Variants in HTRA1 observed in about 807,000 individuals in gnomAD.
The protein encoded by HTRA1 is serine protease HTRA1.
HTRA1 carries 26 observed loss-of-function variants against 49.7 expected under a neutral mutation model. The observed-to-expected ratio is 0.52, with a 90% confidence interval of 0.38 to 0.73. The LOEUF (loss-of-function observed/expected upper bound fraction) is 0.73. HTRA1 is among the 30% of genes least tolerant of loss of function. The probability of loss-of-function intolerance (pLI) is 0.00; values close to 1 mark genes in which losing one functional copy is unlikely to be tolerated. For missense variants in HTRA1, 561 were observed against 667.2 expected (o/e 0.84, Z 1.75); for synonymous variants, 291 against 286.9 (o/e 1.01, Z -0.14).
intron 3 of HTRA1, among the ~76,000 whole-genome samples, chr10:122,501,234 C>T (rs956475685): frequency 9.9e-5 from 15 of 152,172 alleles, no homozygotes; most frequent in Non-Finnish European, 1.8e-4. Context: ...GGACACGCGC[C>T]GTGGGAGTGA....
intron 1 of HTRA1, among the ~76,000 whole-genome samples, chr10:122,485,522 A>T (rs528242937): frequency 3.9e-5 from 6 of 152,198 alleles, no homozygotes; most frequent in Admixed American, 1.3e-4. Context: ...TTCCAGAGGC[A>T]TTTGGTCCAT....
chr10:122,484,216 A>T (rs960563713), intron 1 of HTRA1, among the ~76,000 whole-genome samples: 1 of 152,194 alleles, frequency 6.6e-6, no homozygotes, highest in Non-Finnish European at 1.5e-5. Flanking sequence ...GGGAGGAGGC[A>T]TGGTCCTTAC....
chr10:122,497,785 T>G (rs1049640990), intron 3 of HTRA1, among the ~76,000 whole-genome samples: 4 of 152,248 alleles, frequency 2.6e-5, no homozygotes, highest in Non-Finnish European at 4.4e-5. Flanking sequence ...TATTCATTGA[T>G]TTTGTAAATA....
At chr10:122,512,928 C>T (rs1301785591) in intron 8 of HTRA1, among the ~76,000 whole-genome samples, 1 of 152,076 alleles carries the variant, frequency 6.6e-6, no homozygotes, top group Non-Finnish European at 1.5e-5. Flanking sequence ...GCTTAGTTCC[C>T]ACTTATGAGA....
rs555731558 is a variant in HTRA1 at position 122,500,060 on chromosome 10, G to GT, written c.778-6622dup. Reference sequence around the variant, plus strand: ...TTTTTCTTTGGTTTTGATGTTATTGGTTTTTTTTTATTTTTCTTTTCTCCA... The same window carrying GT: ...TTTTTCTTTGGTTTTGATGTTATTGGTTTTTTTTTTATTTTTCTTTTCTCCA... On this transcript the variant is annotated intron_variant, in intron 3 of 8. Transcript: ENST00000368984. Among the ~76,000 whole-genome samples, 636 of 151,912 alleles carry GT rather than the reference G, an allele frequency of 4.2e-3. 5 individuals are homozygous for GT. Among genetic ancestry groups the GT allele is most frequent in the African/African-American group, 0.014 (600 of 41,416 alleles).
At chr10:122,489,206 T>C (rs1375679815) in intron 2 of HTRA1, among the ~76,000 whole-genome samples, 1 of 152,230 alleles carries the variant, frequency 6.6e-6, no homozygotes, top group African/African-American at 2.4e-5. Flanking sequence ...TTAAAGAACC[T>C]CGGGCTCTGA....
chr10:122,474,908 G>A (rs2097487746), intron 1 of HTRA1, among the ~76,000 whole-genome samples: 1 of 152,094 alleles, frequency 6.6e-6, no homozygotes, highest in Admixed American at 6.5e-5. Context: ...TTGCCAGTGA[G>A]TCTGAAAAGT....
chr10:122,461,670 C>A lies in HTRA1; in HGVS notation c.18C>A (p.Ala6=). The change falls in exon 1 of 9, where the codon GCC becomes GCA. Residue 6 remains alanine, a synonymous_variant. Coordinates refer to ENST00000368984, the MANE Select transcript of HTRA1 (RefSeq NM_002775.5). MQIPR[A]ALLPLLLLLL... ...GAGTCGCCATGCAGATCCCGCGCGC[C>A]GCTCTTCTCCCGCTGCTGCTGCTGC... The A allele has an allele frequency of 7.6e-7, 1 of 1,313,970 alleles. No individual in the cohort carries two copies. The highest frequency in any genetic ancestry group is 9.8e-7 in the Non-Finnish European group (1 of 1,016,408). 81.4% of individuals were successfully genotyped at this position (1,313,970 alleles called of 1,614,324 possible).
intron 3 of HTRA1, among the ~76,000 whole-genome samples, chr10:122,504,209 C>G (rs1196995166): frequency 6.6e-6 from 1 of 152,216 alleles, no homozygotes; most frequent in East Asian, 1.9e-4. Context: ...CACAGCTTCT[C>G]CAAAAGTGTT....
chr10:122,505,085 G>A (rs970159039), intron 3 of HTRA1, among the ~76,000 whole-genome samples: 1 of 152,236 alleles, frequency 6.6e-6, no homozygotes, highest in Non-Finnish European at 1.5e-5. Flanking sequence ...GGTATTCAAA[G>A]AGCTGTTCAG....
chr10:122,502,566 C>T (rs1478217348), intron 3 of HTRA1, among the ~76,000 whole-genome samples: 1 of 152,226 alleles, frequency 6.6e-6, no homozygotes, highest in Non-Finnish European at 1.5e-5. Flanking sequence ...TAAAGTCCCT[C>T]TGTTGAGAGA....
At chr10:122,498,902 C>T (rs76728606) in intron 3 of HTRA1, among the ~76,000 whole-genome samples, 4,360 of 152,360 alleles carry the variant, frequency 0.029, 114 homozygotes, top group East Asian at 0.14. Flanking sequence ...CCCTGGTCCC[C>T]TGAGAACTCC....
intron 3 of HTRA1, among the ~76,000 whole-genome samples, chr10:122,496,228 C>CTTTTTTTTTTT (rs71026021): frequency 1.5e-4 from 11 of 75,638 alleles, no homozygotes; most frequent in African/African-American, 5.9e-4. Context: ...ATTGTGGGTT[C>CTTTTTTTTTTT]TTTTTTTTTT....
intron 3 of HTRA1, among the ~76,000 whole-genome samples, chr10:122,499,630 G>A (rs1490146545): frequency 6.6e-6 from 1 of 152,176 alleles, no homozygotes; most frequent in South Asian, 2.1e-4. Flanking sequence ...CCTCAAGCAA[G>A]TCTTTGGATG....
intron 6 of HTRA1, among the ~76,000 whole-genome samples, chr10:122,509,274 A>G (rs1040570347): frequency 6.6e-6 from 1 of 152,194 alleles, no homozygotes; most frequent in African/African-American, 2.4e-5. Context: ...GCTGACAGTA[A>G]ATAATCAAAC....
chr10:122,513,688 A>C (rs1053457447), intron 8 of HTRA1, among the ~76,000 whole-genome samples: 108 of 148,526 alleles, frequency 7.3e-4, no homozygotes, highest in Non-Finnish European at 1.2e-3. Context: ...AAAAAAAAAA[A>C]CCTTAAAAAG....
At chr10:122,496,225 G>GTTTTTTTTATTTT (rs1287521208) in intron 3 of HTRA1, among the ~76,000 whole-genome samples, 1 of 80,384 alleles carries the variant, frequency 1.2e-5, no homozygotes, top group South Asian at 4.4e-4. Context: ...GAGATTGTGG[G>GTTTTTTTTATTTT]TTCTTTTTTT....
chr10:122,512,157 C>T (rs2133453437), intron 8 of HTRA1, 92 bp downstream of exon 8: 4 of 929,562 alleles, frequency 4.3e-6, no homozygotes, highest in Non-Finnish European at 5.3e-6. Context: ...TCTACTGGCT[C>T]AGATGATTAT....
chr10:122,463,525 C>T (rs1269348045), intron 1 of HTRA1, among the ~76,000 whole-genome samples: 2 of 152,026 alleles, frequency 1.3e-5, no homozygotes, highest in Admixed American at 6.6e-5. Context: ...TCTTAAGAGA[C>T]AGGGTCTCCC....
Sources: allele counts gnomAD v4.1 joint callset (sites outside exome capture counted in the v4.1 genomes callset), GRCh38; gene constraint gnomAD v4.1.1; transcripts MANE v1.5; gene names NCBI Gene and HGNC (gene_info 2026-07-23, HGNC 2026-07-21).